The following GRID1 variants were observed in gnomAD, a reference collection of about 807,000 sequenced individuals.
The protein encoded by GRID1 is glutamate receptor ionotropic, delta-1.
A neutral mutation model predicts 98.0 loss-of-function variants in GRID1; 28 were observed. That is an observed-to-expected ratio of 0.29 (90% CI 0.21 to 0.39). The LOEUF is 0.39. Ranked by LOEUF, GRID1 falls within the 10% of genes least tolerant of loss-of-function variation. GRID1 has a pLI of 1.00. For missense variants in GRID1, 1,111 were observed against 1,340.5 expected (o/e 0.83, Z 2.67); for synonymous variants, 553 against 538.5 (o/e 1.03, Z -0.37).
intron 12 of GRID1, among the ~76,000 whole-genome samples, chr10:85,665,460 C>A (rs1057466027): frequency 1.3e-5 from 2 of 152,134 alleles, no homozygotes; most frequent in Non-Finnish European, 2.9e-5. Context: ...ACAACTTAGT[C>A]CCAGCAGGTT....
Position 85,996,428 on chromosome 10 carries a change from A to T in GRID1, c.727-80189T>A, listed in dbSNP as rs554041921. ...GAATGTTATGCTGAAGTATACAATA[A>T]CTAAAATTTAACAACAAAAAAAATT... On this transcript the variant is annotated intron_variant, in intron 4 of 15. Transcript: ENST00000327946. Among the ~76,000 whole-genome samples the T allele has an allele frequency of 3.3e-5, 5 of 152,360 alleles. No individual in the cohort carries two copies. The South Asian group carries it at 6.2e-4, about 19-fold the overall frequency.
At chr10:85,923,334 T>C (rs940417496) in intron 4 of GRID1, among the ~76,000 whole-genome samples, 1 of 152,166 alleles carries the variant, frequency 6.6e-6, no homozygotes, top group Admixed American at 6.5e-5. Context: ...AGGAAAGCCA[T>C]CTGAGAAAGC....
intron 3 of GRID1, among the ~76,000 whole-genome samples, chr10:86,151,074 T>G (rs1265845097): frequency 6.6e-6 from 1 of 152,180 alleles, no homozygotes; most frequent in African/African-American, 2.4e-5. Context: ...TTAGTCCCCA[T>G]GACACCCTCA....
rs563501653 is a variant in GRID1 at position 85,761,999 on chromosome 10, A to C, written c.1234-32385T>G. Reference sequence around the variant, plus strand: ...TTTGCTCCTCTCCAATATGTTGAAAACATTGAAAAGCCTTCCCAAATATCT... The same window carrying C: ...TTTGCTCCTCTCCAATATGTTGAAACCATTGAAAAGCCTTCCCAAATATCT... On this transcript the variant is annotated intron_variant, in intron 8 of 15. Coordinates refer to ENST00000327946, the MANE Select transcript of GRID1 (RefSeq NM_017551.3). 1.2e-4 allele frequency among the ~76,000 whole-genome samples: 18 copies of C among 152,330 alleles called. No homozygotes were observed. In the South Asian group the frequency reaches 1.7e-3, roughly 14 times the overall value.
At chr10:86,128,575 C>T (rs11201892) in intron 4 of GRID1, among the ~76,000 whole-genome samples, 4,585 of 152,234 alleles carry the variant, frequency 0.03, 90 homozygotes, top group Middle Eastern at 0.092. Context: ...GGCCATACCA[C>T]GCCCTGCACA....
At chr10:86,149,812 A>C (rs1275517664) in intron 3 of GRID1, among the ~76,000 whole-genome samples, 3 of 152,190 alleles carry the variant, frequency 2.0e-5, no homozygotes, top group Non-Finnish European at 2.9e-5. Flanking sequence ...TATTTGGATA[A>C]AATTCCGCGG....
chr10:86,313,940 T>C (rs577946401), intron 2 of GRID1, among the ~76,000 whole-genome samples: 2 of 152,302 alleles, frequency 1.3e-5, no homozygotes, highest in Non-Finnish European at 2.9e-5. Flanking sequence ...CGCAATCTCA[T>C]AAATTAATTC....
chr10:85,876,025 C>T (rs940256792), intron 5 of GRID1, among the ~76,000 whole-genome samples: 2 of 152,182 alleles, frequency 1.3e-5, no homozygotes, highest in African/African-American at 2.4e-5. Context: ...TTATCTCACT[C>T]TTGAAAGATA....
At chr10:86,293,183 C>T (rs757242751) in intron 2 of GRID1, among the ~76,000 whole-genome samples, 1 of 152,216 alleles carries the variant, frequency 6.6e-6, no homozygotes, top group African/African-American at 2.4e-5. Flanking sequence ...CGAGCTCCAA[C>T]CTTTCCCAGC....
At chr10:86,244,263 C>A (rs981261960) in intron 2 of GRID1, among the ~76,000 whole-genome samples, 1 of 152,174 alleles carries the variant, frequency 6.6e-6, no homozygotes, top group African/African-American at 2.4e-5. Flanking sequence ...GACAGTGGCA[C>A]AGAGGAGCAG....
At chr10:86,022,080 T>C (rs956253807) in intron 4 of GRID1, among the ~76,000 whole-genome samples, 40 of 152,234 alleles carry the variant, frequency 2.6e-4, no homozygotes, top group Non-Finnish European at 1.0e-4. Flanking sequence ...TTTCAACATG[T>C]AATCAATATA....
Position 86,168,918 on chromosome 10 carries a change from T to G in GRID1, c.521-29894A>C, listed in dbSNP as rs140950179. ...AGAGTATGAGCTGGACCTTGTGAGT[T>G]CAGCTCGGTCTGTGGGGAAAGAAAT... On this transcript the variant is annotated intron_variant, in intron 3 of 15. Transcript: ENST00000327946. Among the ~76,000 whole-genome samples the G allele has an allele frequency of 4.1e-3, 631 of 152,228 alleles. 10 individuals carry two copies. The highest frequency in any genetic ancestry group is 0.014 in the African/African-American group (588 of 41,548).
At chr10:86,087,934 G>T (rs1422682778) in intron 4 of GRID1, among the ~76,000 whole-genome samples, 1 of 152,154 alleles carries the variant, frequency 6.6e-6, no homozygotes, top group African/African-American at 2.4e-5. Context: ...TCCTCTATCT[G>T]CTTATGCAGA....
chr10:86,329,979 G>A (rs1009562053), intron 2 of GRID1, among the ~76,000 whole-genome samples: 4 of 152,078 alleles, frequency 2.6e-5, no homozygotes, highest in African/African-American at 4.8e-5. Flanking sequence ...CTCTGATCTC[G>A]AGGATGGGCT....
intron 2 of GRID1, among the ~76,000 whole-genome samples, chr10:86,326,165 A>C (rs1405222670): frequency 6.6e-6 from 1 of 152,214 alleles, no homozygotes; most frequent in Non-Finnish European, 1.5e-5. Flanking sequence ...CCTGGGGATA[A>C]ACCTAGTAAG....
chr10:85,847,282 G>A (rs1184837306), intron 8 of GRID1, among the ~76,000 whole-genome samples: 2 of 152,174 alleles, frequency 1.3e-5, no homozygotes, highest in Non-Finnish European at 2.9e-5. Context: ...TTAAGACTAT[G>A]CCCTGAGAAT....
intron 2 of GRID1, among the ~76,000 whole-genome samples, chr10:86,349,358 G>A (rs1848432735): frequency 2.6e-5 from 4 of 152,316 alleles, no homozygotes; most frequent in Admixed American, 2.0e-4. Context: ...TGGAGCCCGG[G>A]TGAGCTTCTA....
At chr10:86,182,731 T>A (rs1015780371) in intron 3 of GRID1, among the ~76,000 whole-genome samples, 1 of 152,218 alleles carries the variant, frequency 6.6e-6, no homozygotes, top group African/African-American at 2.4e-5. Flanking sequence ...TATAATATAA[T>A]CCTGACTGCT....
intron 13 of GRID1, among the ~76,000 whole-genome samples, chr10:85,629,760 T>C (rs2132533533): frequency 6.6e-6 from 1 of 152,348 alleles, no homozygotes; most frequent in South Asian, 2.1e-4. Context: ...GGTAGTTCTA[T>C]GTTTAGTTTT....
Sources: allele counts gnomAD v4.1 joint callset (sites outside exome capture counted in the v4.1 genomes callset), GRCh38; gene constraint gnomAD v4.1.1; transcripts MANE v1.5; gene names NCBI Gene and HGNC (gene_info 2026-07-23, HGNC 2026-07-21).